CADM2: variants seen among roughly 807,000 people sequenced by gnomAD.
CADM2 encodes the protein immunoglobulin superfamily member 4D.
Under a neutral mutation model 49.8 loss-of-function variants are expected in CADM2, and 12 were observed. That is an observed-to-expected ratio of 0.24 (90% CI 0.15 to 0.39). The LOEUF (loss-of-function observed/expected upper bound fraction) is 0.39, where lower values mean the gene tolerates loss of function less well. Among genes scored for constraint, CADM2 ranks in the 10% least tolerant of loss-of-function variants. CADM2 has a pLI of 1.00. For synonymous variants in CADM2, 214 were observed against 175.4 expected (o/e 1.22, Z -1.74); for missense variants, 378 against 492.3 (o/e 0.77, Z 2.20).
chr3:85,760,878 C>T (rs1468575868), intron 2 of CADM2, among the ~76,000 whole-genome samples: 1 of 152,008 alleles, frequency 6.6e-6, no homozygotes, highest in Non-Finnish European at 1.5e-5. Flanking sequence ...AATAAATTAA[C>T]ATTCAAAGAA....
At chr3:85,459,531 A>G (rs1403709171) in intron 1 of CADM2, among the ~76,000 whole-genome samples, 1 of 152,198 alleles carries the variant, frequency 6.6e-6, no homozygotes, top group Admixed American at 6.5e-5. Flanking sequence ...AGATGCTTAA[A>G]AAGAAAAAAG....
intron 4 of CADM2, 131 bp from the exon 5 acceptor site, chr3:85,886,059 T>C: frequency 7.5e-7 from 1 of 1,326,068 alleles, no homozygotes; most frequent in Admixed American, 2.4e-5. Context: ...TATTACATAG[T>C]AGTTTGTTCA....
chr3:85,301,024 CAG>C (rs970907397), intron 1 of CADM2, among the ~76,000 whole-genome samples: 3 of 152,036 alleles, frequency 2.0e-5, no homozygotes, highest in African/African-American at 7.2e-5. Flanking sequence ...GGAAGAATCA[CAG>C]GGTGAGAAAT....
intron 1 of CADM2, among the ~76,000 whole-genome samples, chr3:85,275,160 A>ATTAGATT (rs2043327498): frequency 6.6e-6 from 1 of 151,596 alleles, no homozygotes; most frequent in Non-Finnish European, 1.5e-5. Context: ...GAGTATTCTC[A>ATTAGATT]CTTAAGCAAG....
chr3:85,695,727 C>T (rs567060644), intron 1 of CADM2, among the ~76,000 whole-genome samples: 2 of 152,158 alleles, frequency 1.3e-5, no homozygotes, highest in South Asian at 4.1e-4. Context: ...CATACACTTG[C>T]AAGTGTCTTT....
chr3:85,877,183 C>A (rs1711994998), intron 3 of CADM2, among the ~76,000 whole-genome samples: 1 of 152,046 alleles, frequency 6.6e-6, no homozygotes, highest in African/African-American at 2.4e-5. Context: ...CCTACTTAAC[C>A]CATTCGCTTA....
At chr3:85,228,518 G>T (rs1475498718) in intron 1 of CADM2, among the ~76,000 whole-genome samples, 1 of 151,830 alleles carries the variant, frequency 6.6e-6, no homozygotes, top group Non-Finnish European at 1.5e-5. Flanking sequence ...CGTCCTTTTT[G>T]TTGATGTTGA....
intron 1 of CADM2, among the ~76,000 whole-genome samples, chr3:85,184,417 T>C (rs2041005727): frequency 6.6e-6 from 1 of 152,222 alleles, no homozygotes; most frequent in African/African-American, 2.4e-5. Flanking sequence ...TTATTGCATT[T>C]TTTTTCCTTT....
intron 1 of CADM2, among the ~76,000 whole-genome samples, chr3:85,608,006 G>A (rs1372971005): frequency 6.6e-6 from 1 of 151,918 alleles, no homozygotes; most frequent in African/African-American, 2.4e-5. Context: ...AATAATTTCT[G>A]AATTCATTAC....
At chr3:85,966,848 A>C (rs1725537622) in intron 8 of CADM2, among the ~76,000 whole-genome samples, 1 of 151,686 alleles carries the variant, frequency 6.6e-6, no homozygotes, top group South Asian at 2.1e-4. Context: ...AGGATAATTT[A>C]CTTCAGAAGT....
chr3:85,248,282 T>C (rs1189599490), intron 1 of CADM2, among the ~76,000 whole-genome samples: 1 of 152,152 alleles, frequency 6.6e-6, no homozygotes, highest in East Asian at 1.9e-4. Context: ...TATTTTTTTT[T>C]AACTTTTTTT....
rs377627454 is a variant in CADM2 at position 85,817,827 on chromosome 3, A to G, written c.238+15631A>G. On this transcript the variant is annotated intron_variant, in intron 3 of 9. Coordinates refer to ENST00000383699, the MANE Select transcript of CADM2 (RefSeq NM_001167675.2). ...GACTTCCTCTCAAAAACAAATAAACAAACAAAAAAACCTTCTTGAGGACAA... is the reference window on the plus strand; with the variant it reads ...GACTTCCTCTCAAAAACAAATAAACGAACAAAAAAACCTTCTTGAGGACAA... Among the ~76,000 whole-genome samples, 14 of 151,328 alleles carry G rather than the reference A, an allele frequency of 9.3e-5. No individual in the cohort carries two copies. In the East Asian group the frequency reaches 2.5e-3, roughly 27 times the overall value.
intron 1 of CADM2, among the ~76,000 whole-genome samples, chr3:85,584,602 T>C (rs2062886567): frequency 1.3e-5 from 2 of 152,062 alleles, no homozygotes; most frequent in South Asian, 4.1e-4. Flanking sequence ...AGTGTGAAAA[T>C]GTACTTCCCC....
At chr3:85,803,296 A>G (rs1041791524) in intron 3 of CADM2, among the ~76,000 whole-genome samples, 1 of 152,130 alleles carries the variant, frequency 6.6e-6, no homozygotes, top group African/African-American at 2.4e-5. Flanking sequence ...AAAATTAGGG[A>G]GCAGGAAGTT....
chr3:85,119,458 T>G (rs2107587329), intron 1 of CADM2, among the ~76,000 whole-genome samples: 1 of 152,294 alleles, frequency 6.6e-6, no homozygotes, highest in Middle Eastern at 3.4e-3. Flanking sequence ...TCTTTTTGCT[T>G]AGGATTGTCT....
At position 86,070,575 on chromosome 3, in the gene CADM2, A is replaced by G. The variant is rs950768243; in HGVS notation, c.*3792A>G. 6.6e-6 allele frequency: 1 copy of G among 151,844 alleles called. No homozygotes were observed. Among genetic ancestry groups the G allele is most frequent in the African/African-American group, 2.4e-5 (1 of 41,402 alleles). The allele number at this position is 151,844 out of a possible 1,614,324, so 9.4% of individuals were successfully genotyped here. A position where few individuals can be genotyped will look rare whatever the true frequency, so the allele number is the denominator to read the frequency against. Reference sequence around the variant, plus strand: ...GTATTGCTAATTACTTAGAGTCTCTAAAATTGCCCAATATTATTTCCCTTT... The same window carrying G: ...GTATTGCTAATTACTTAGAGTCTCTGAAATTGCCCAATATTATTTCCCTTT... On this transcript the variant is annotated 3_prime_UTR_variant, in exon 10 of 10. Transcript: ENST00000383699.
intron 3 of CADM2, among the ~76,000 whole-genome samples, chr3:85,858,276 T>C (rs1018760625): frequency 6.6e-6 from 1 of 152,252 alleles, no homozygotes; most frequent in African/African-American, 2.4e-5. Flanking sequence ...GATAGATTGT[T>C]CATTAACCCT....
At chr3:85,998,961 C>T (rs556832432) in intron 8 of CADM2, among the ~76,000 whole-genome samples, 2 of 152,148 alleles carry the variant, frequency 1.3e-5, no homozygotes, top group South Asian at 4.2e-4. Flanking sequence ...AGGATTTTAG[C>T]TTTGGTCTCT....
intron 1 of CADM2, among the ~76,000 whole-genome samples, chr3:85,463,676 TTGAC>T (rs1476903026): frequency 2.6e-5 from 4 of 152,174 alleles, no homozygotes; most frequent in Non-Finnish European, 4.4e-5. Context: ...GATATGTTCT[TTGAC>T]TGAGATATGT....
Sources: gnomAD v4.1 joint callset for allele counts (sites outside exome capture counted in the v4.1 genomes callset) on GRCh38, gnomAD v4.1.1 for gene constraint, MANE v1.5 for transcripts, NCBI Gene and HGNC (gene_info 2026-07-23, HGNC 2026-07-21) for gene names.